Variants in FBLN1 observed in about 807,000 individuals in gnomAD.
The protein encoded by FBLN1 is fibulin-1.
FBLN1 carries 34 observed loss-of-function variants against 89.7 expected under a neutral mutation model. The ratio of observed to expected loss-of-function variants is 0.38; its 90% confidence interval spans 0.29 to 0.50. FBLN1 has a LOEUF of 0.50. Among genes scored for constraint, FBLN1 ranks in the 20% least tolerant of loss-of-function variants. The pLI is 0.92. For missense variants in FBLN1, 777 were observed against 988.1 expected (o/e 0.79, Z 2.86); for synonymous variants, 393 against 391.3 (o/e 1.00, Z -0.05).
rs1041895750 is a variant in FBLN1 at position 45,536,385 on chromosome 22, C to T, written c.922+1048C>T. Among the ~76,000 whole-genome samples, 1 of 151,892 alleles carries T rather than the reference C, an allele frequency of 6.6e-6. No homozygotes were observed. The highest frequency in any genetic ancestry group is 2.1e-4 in the South Asian group (1 of 4,802). ...CACGACAGTGTGAATGCAGTAATGC[C>T]CCTGAACCGTCTACTTAAAATGGTT... On this transcript the variant is annotated intron_variant, in intron 8 of 16. Transcript: ENST00000327858. This position sits in a 1 kb window ranked among gnomAD's most constrained non-coding sequence, Gnocchi z 5.1.
At chr22:45,552,174 C>T (rs1454824486) in intron 14 of FBLN1, among the ~76,000 whole-genome samples, 1 of 152,206 alleles carries the variant, frequency 6.6e-6, no homozygotes, top group African/African-American at 2.4e-5. Context: ...GCTCCGCCTT[C>T]GGCGTGTGTG....
chr22:45,591,105 C>T (rs2089132508), intron 16 of FBLN1, among the ~76,000 whole-genome samples: 1 of 152,204 alleles, frequency 6.6e-6, no homozygotes, highest in Admixed American at 6.5e-5. Context: ...CTCTCCCAGA[C>T]CTTGTCTTCC....
chr22:45,517,230 A>G (rs553634354), intron 1 of FBLN1: 4 of 255,400 alleles, frequency 1.6e-5, no homozygotes, highest in African/African-American at 7.0e-5. Flanking sequence ...GAAAGCCATT[A>G]GGAAGGAAAA....
intron 16 of FBLN1, among the ~76,000 whole-genome samples, chr22:45,593,427 GAA>G (rs774155837): frequency 6.6e-6 from 1 of 152,058 alleles, no homozygotes; most frequent in Non-Finnish European, 1.5e-5. Flanking sequence ...TCAACAGGGA[GAA>G]AAAAAGTGCT....
chr22:45,547,931 A>G (rs1283025150), intron 12 of FBLN1, among the ~76,000 whole-genome samples: 2 of 152,146 alleles, frequency 1.3e-5, no homozygotes, highest in African/African-American at 4.8e-5. Flanking sequence ...CATCTGTAAC[A>G]TGATGATTAA....
chr22:45,514,456 G>A (rs1000043417), intron 1 of FBLN1, among the ~76,000 whole-genome samples: 13 of 152,276 alleles, frequency 8.5e-5, no homozygotes, highest in Admixed American at 3.3e-4. Context: ...CTAAGAAACC[G>A]GCAGTTCTGT....
rs182239074 is a variant in FBLN1, at chr22:45,569,993, A to C, written c.1698-4518A>C. Among the ~76,000 whole-genome samples the C allele has an allele frequency of 7.2e-5, 11 of 152,336 alleles. No homozygotes were observed. The East Asian group carries it at 1.7e-3, about 24-fold the overall frequency. On this transcript the variant is annotated intron_variant, in intron 14 of 16. Transcript: ENST00000327858. The stretch of plus-strand genomic sequence containing the variant: ...GACTAAATGAAAATTCTAATATTCT[A>C]TCTTGAAAGAAACCAAAAGTGTTAA...
intron 16 of FBLN1, among the ~76,000 whole-genome samples, chr22:45,591,786 CGCGCCA>C (rs2089138947): frequency 1.1e-5 from 1 of 93,564 alleles, no homozygotes; most frequent in African/African-American, 9.4e-5. Flanking sequence ...AAGTGTCCTG[CGCGCCA>C]TTTTGCAGAC....
At chr22:45,570,760 G>A (rs532200373) in intron 14 of FBLN1, among the ~76,000 whole-genome samples, 11 of 152,144 alleles carry the variant, frequency 7.2e-5, no homozygotes, top group South Asian at 6.2e-4. Flanking sequence ...AACACATAGC[G>A]TACCTGAGAA....
intron 12 of FBLN1, among the ~76,000 whole-genome samples, chr22:45,548,095 T>C (rs2088654734): frequency 6.6e-6 from 1 of 152,118 alleles, no homozygotes; most frequent in Non-Finnish European, 1.5e-5. Flanking sequence ...GTCACCCAGG[T>C]TGGAGGGCAG....
chr22:45,581,935 T>G lies in FBLN1; in HGVS notation c.1972+4827T>G, dbSNP rs1270407276. 6.6e-6 allele frequency among the ~76,000 whole-genome samples: 1 copy of G among 152,142 alleles called. No homozygotes were observed. The highest frequency in any genetic ancestry group is 1.5e-5 in the Non-Finnish European group (1 of 67,996). On this transcript the variant is annotated intron_variant, in intron 16 of 16. Transcript: ENST00000327858. The surrounding 1 kb of genome is among the most constrained non-coding windows in gnomAD (Gnocchi z 7.6). ...CCGAAAGGGGCTGCAGGGCCAGGCC[T>G]TGGTGGATGCTGTCCTGGGGACCAC...
Position 45,575,384 on chromosome 22 carries a change from C to T in FBLN1, c.1840+731C>T, listed in dbSNP as rs1036662058. 3.3e-5 allele frequency among the ~76,000 whole-genome samples: 5 copies of T among 151,496 alleles called. No individual in the cohort carries two copies. The highest frequency in any genetic ancestry group is 1.2e-4 in the African/African-American group (5 of 41,168). ...AGAAGGGTCTGGAGGTATGGGGGGG[C>T]GGTGTGGGCGTTTGAGAAACTGAGC... is the stretch of plus-strand genomic sequence containing the variant. On this transcript the variant is annotated intron_variant, in intron 15 of 16. Coordinates refer to ENST00000327858, the MANE Select transcript of FBLN1 (RefSeq NM_006486.3). This position sits in a 1 kb window ranked among gnomAD's most constrained non-coding sequence, Gnocchi z 6.3.
chr22:45,600,086 T>C lies in FBLN1; in HGVS notation c.1973-221T>C, dbSNP rs73447098. Among the ~76,000 whole-genome samples, 3,915 of 152,274 alleles carry C rather than the reference T, an allele frequency of 0.026. 148 individuals are homozygous for C. The highest frequency in any genetic ancestry group is 0.087 in the African/African-American group (3,624 of 41,544). ...ATGGAAAGGCTGTCCCAGCAAGTAG[T>C]GAGTTCACTTTCACCAGTCCCTGGA... is the stretch of plus-strand genomic sequence containing the variant. On this transcript the variant is annotated intron_variant, in intron 16 of 16. Coordinates refer to ENST00000327858, the MANE Select transcript of FBLN1 (RefSeq NM_006486.3).
At chr22:45,543,599 C>G (rs771770589) in intron 11 of FBLN1, 73 bp downstream of exon 11, 194 of 1,558,032 alleles carry the variant, frequency 1.2e-4, no homozygotes, top group Admixed American at 2.3e-4. Flanking sequence ...TTCTGCAGAC[C>G]GGTTTGCAGC....
intron 1 of FBLN1, among the ~76,000 whole-genome samples, chr22:45,510,505 C>T (rs1357494202): frequency 1.3e-5 from 2 of 152,120 alleles, no homozygotes; most frequent in African/African-American, 4.8e-5. Context: ...GTTCCCAGCC[C>T]CCAGTCTCCC....
chr22:45,503,064 G>C lies in FBLN1; in HGVS notation c.79G>C (p.Val27Leu). The C allele has an allele frequency of 8.1e-7, 1 of 1,242,114 alleles. No homozygotes were observed. Among genetic ancestry groups the C allele is most frequent in the South Asian group, 3.4e-5 (1 of 29,064 alleles). 76.9% of individuals were successfully genotyped at this position (1,242,114 alleles called of 1,614,324 possible). A position where few individuals can be genotyped will look rare whatever the true frequency, so the allele number is the denominator to read the frequency against. The change falls in exon 1 of 17, where the codon GTG (valine) becomes CTG (leucine). Residue 27 changes from valine (V) to leucine (L), a missense_variant and splice_region_variant. By Grantham distance (32) the Val-to-Leu change is conservative. Transcript: ENST00000327858. ...LGGLALLAAG[V>L]DADVLLEACC... ...CGGCCTTGCGCTGCTGGCGGCCGGAGGTAGGGGCGTCCCGGGTCCGCCGCC... is the reference window on the plus strand; with the variant it reads ...CGGCCTTGCGCTGCTGGCGGCCGGACGTAGGGGCGTCCCGGGTCCGCCGCC...
At chr22:45,587,906 C>T (rs2089102261) in intron 16 of FBLN1, among the ~76,000 whole-genome samples, 1 of 152,132 alleles carries the variant, frequency 6.6e-6, no homozygotes, top group Non-Finnish European at 1.5e-5. Context: ...TTTTGTGCTC[C>T]AGTGGCCCCA....
rs1233533438 is a variant in FBLN1 at position 45,572,221 on chromosome 22, A to G, written c.1698-2290A>G. On this transcript the variant is annotated intron_variant, in intron 14 of 16. Coordinates refer to ENST00000327858, the MANE Select transcript of FBLN1 (RefSeq NM_006486.3). This position sits in a 1 kb window ranked among gnomAD's most constrained non-coding sequence, Gnocchi z 5.8. ...AAATGGTTGATTCCAGGTCTTGGGC[A>G]GTAAAAGTGTAAAATGAGGCTGGAT... Among the ~76,000 whole-genome samples, 1 of 152,240 alleles carries G rather than the reference A, an allele frequency of 6.6e-6. No individual in the cohort carries two copies. Among genetic ancestry groups the G allele is most frequent in the Non-Finnish European group, 1.5e-5 (1 of 68,032 alleles).
At position 45,588,060 on chromosome 22, in the gene FBLN1, G is replaced by A. The variant is rs1169597815; in HGVS notation, c.1972+10952G>A. On this transcript the variant is annotated intron_variant, in intron 16 of 16. Coordinates refer to ENST00000327858, the MANE Select transcript of FBLN1 (RefSeq NM_006486.3). The surrounding 1 kb of genome is among the most constrained non-coding windows in gnomAD (Gnocchi z 5.1). ...CTCTCATACACTTTTTATCCCAGAG[G>A]GTAGGAGTACACGAGAAACAAGCAT... is the stretch of plus-strand genomic sequence containing the variant. 1.3e-5 allele frequency among the ~76,000 whole-genome samples: 2 copies of A among 152,202 alleles called. No individual in the cohort carries two copies. Among genetic ancestry groups the A allele is most frequent in the Non-Finnish European group, 2.9e-5 (2 of 68,042 alleles).
Sources: allele counts gnomAD v4.1 joint callset (sites outside exome capture counted in the v4.1 genomes callset), GRCh38; gene constraint gnomAD v4.1.1; non-coding constraint Gnocchi (gnomAD v3.1); transcripts MANE v1.5; gene names NCBI Gene and HGNC (gene_info 2026-07-23, HGNC 2026-07-21).